The following MYRFL variants were observed in gnomAD, a reference collection of about 807,000 sequenced individuals.
MYRFL encodes the protein myelin regulatory factor like.
Under a neutral mutation model 109.4 loss-of-function variants are expected in MYRFL, and 88 were observed. The observed-to-expected ratio is 0.80, with a 90% CI of 0.68 to 0.96. MYRFL has a LOEUF of 0.96. MYRFL is among the 40% of genes least tolerant of loss of function. The pLI, the probability that MYRFL is intolerant of heterozygous loss-of-function variation, is 0.00. For missense variants in MYRFL, 957 were observed against 954.9 expected (o/e 1.00, Z -0.03); for synonymous variants, 324 against 320.9 (o/e 1.01, Z -0.10).
At chr12:69,861,444 C>T (rs565531268) in intron 2 of MYRFL, among the ~76,000 whole-genome samples, 1 of 152,316 alleles carries the variant, frequency 6.6e-6, no homozygotes, top group South Asian at 2.1e-4. Context: ...GCCATTCTAA[C>T]TGGTGTGAGA....
At chr12:69,947,500 A>G (rs780625105) in intron 19 of MYRFL, among the ~76,000 whole-genome samples, 1 of 152,194 alleles carries the variant, frequency 6.6e-6, no homozygotes, top group Non-Finnish European at 1.5e-5. Flanking sequence ...ATTTTGGAAT[A>G]TTGAGCTTCT....
chr12:69,936,196 T>A lies in MYRFL; in HGVS notation c.1991+9T>A. The stretch of plus-strand genomic sequence containing the variant: ...CCAAATCTCCCTCCAAGGTGAGAGT[T>A]CAGTTCAATTTTCTGGCCTAAAATT... On this transcript the variant is annotated intron_variant, in intron 17 of 24. Coordinates refer to ENST00000552032, the MANE Select transcript of MYRFL (RefSeq NM_182530.3). 2.6e-6 allele frequency: 4 copies of A among 1,530,904 alleles called. No homozygotes were observed. Among genetic ancestry groups the A allele is most frequent in the Non-Finnish European group, 3.5e-6 (4 of 1,145,362 alleles). The allele number at this position is 1,530,904 out of a possible 1,614,324, so 94.8% of individuals were successfully genotyped here.
chr12:69,868,448 T>G (rs545768763), intron 2 of MYRFL, among the ~76,000 whole-genome samples: 1 of 152,086 alleles, frequency 6.6e-6, no homozygotes, highest in African/African-American at 2.4e-5. Context: ...TTAAGTACAA[T>G]GATGGTACCT....
intron 1 of MYRFL, among the ~76,000 whole-genome samples, chr12:69,844,417 G>A (rs918987337): frequency 8.5e-5 from 13 of 152,138 alleles, no homozygotes; most frequent in African/African-American, 3.1e-4. Flanking sequence ...GAGAGTGAAG[G>A]GTGCCATATA....
intron 1 of MYRFL, among the ~76,000 whole-genome samples, chr12:69,829,651 A>G (rs1882500309): frequency 6.6e-6 from 1 of 152,174 alleles, no homozygotes; most frequent in Admixed American, 6.5e-5. Flanking sequence ...GCACCCAGCA[A>G]GTTCAACTGT....
At chr12:69,931,427 G>A (rs1407918875) in intron 15 of MYRFL, among the ~76,000 whole-genome samples, 2 of 151,994 alleles carry the variant, frequency 1.3e-5, no homozygotes, top group Non-Finnish European at 2.9e-5. Flanking sequence ...TAGCCCTAAG[G>A]GTCTGTGTAC....
At position 69,936,513 on chromosome 12, in the gene MYRFL, G is replaced by A. The variant is rs1428616900; in HGVS notation, c.2105G>A (p.Cys702Tyr). The A allele has an allele frequency of 2.0e-6, 3 of 1,535,918 alleles. No homozygotes were observed. Among genetic ancestry groups the A allele is most frequent in the Non-Finnish European group, 1.7e-6 (2 of 1,146,906 alleles). Residue 702 changes from cysteine (C) to tyrosine (Y), a missense_variant, in exon 19 of 25, where the codon TGT (cysteine) becomes TAT (tyrosine). Coordinates refer to ENST00000552032, the MANE Select transcript of MYRFL (RefSeq NM_182530.3). ...TTACAAGTACCTGAAATTACTTTCT[G>A]TGAAATCCTGCCGTGTCAGGAGACT... ...ASLQVPEITF[C>Y]EILPCQETYC...
intron 1 of MYRFL, among the ~76,000 whole-genome samples, chr12:69,840,240 T>C (rs1426375509): frequency 1.3e-5 from 2 of 152,218 alleles, no homozygotes; most frequent in African/African-American, 4.8e-5. Context: ...CCAGTTTGCC[T>C]TCTCTATATT....
chr12:69,869,479 G>C (rs1885213430), intron 2 of MYRFL, among the ~76,000 whole-genome samples: 1 of 152,172 alleles, frequency 6.6e-6, no homozygotes, highest in African/African-American at 2.4e-5. Flanking sequence ...AGGCAAGGAG[G>C]AGAGGCTACC....
intron 16 of MYRFL, 35 bp from the exon 17 acceptor site, chr12:69,936,078 G>GTTTTTTTTTTTTTTTTTTTTTT: frequency 2.2e-6 from 2 of 891,622 alleles, no homozygotes; most frequent in South Asian, 1.8e-5. Context: ...GCCACATAAT[G>GTTTTTTTTTTTTTTTTTTTTTT]TTTTTTTTTT....
intron 11 of MYRFL, among the ~76,000 whole-genome samples, chr12:69,904,888 G>A (rs1446221390): frequency 1.3e-5 from 2 of 152,174 alleles, no homozygotes; most frequent in African/African-American, 4.8e-5. Context: ...CTTCCAGACT[G>A]CATTCCTTTC....
At chr12:69,843,816 T>C (rs1883377180) in intron 1 of MYRFL, among the ~76,000 whole-genome samples, 1 of 152,180 alleles carries the variant, frequency 6.6e-6, no homozygotes, top group Admixed American at 6.5e-5. Flanking sequence ...ACAAAAGCAG[T>C]GCAGGGACAG....
chr12:69,927,019 A>T (rs985095948), intron 14 of MYRFL, among the ~76,000 whole-genome samples: 3 of 129,892 alleles, frequency 2.3e-5, no homozygotes, highest in Admixed American at 9.9e-5. Flanking sequence ...ATCTTGGCTC[A>T]CTGCAGCCTC....
chr12:69,909,934 T>A (rs776289955), intron 11 of MYRFL, 35 bp from the exon 12 acceptor site: 1 of 1,405,590 alleles, frequency 7.1e-7, no homozygotes, highest in Non-Finnish European at 9.6e-7. Context: ...CAAATATCTA[T>A]GCGAGTAAAA....
At chr12:69,939,217 G>A (rs1228192237) in intron 19 of MYRFL, among the ~76,000 whole-genome samples, 1 of 152,240 alleles carries the variant, frequency 6.6e-6, no homozygotes, top group African/African-American at 2.4e-5. Flanking sequence ...GCCTGCCTGT[G>A]TAGGCTCCAC....
chr12:69,828,058 T>G (rs1882398296), intron 1 of MYRFL, among the ~76,000 whole-genome samples: 1 of 152,138 alleles, frequency 6.6e-6, no homozygotes, highest in South Asian at 2.1e-4. Flanking sequence ...AGAATAGGTT[T>G]AATTCAGCAA....
At chr12:69,945,378 T>C (rs1020213021) in intron 19 of MYRFL, among the ~76,000 whole-genome samples, 1 of 152,214 alleles carries the variant, frequency 6.6e-6, no homozygotes, top group Non-Finnish European at 1.5e-5. Flanking sequence ...CTTTATTTTT[T>C]ACTGTACCCT....
chr12:69,917,903 GAA>G (rs11439873), intron 13 of MYRFL, among the ~76,000 whole-genome samples: 1 of 141,070 alleles, frequency 7.1e-6, no homozygotes, highest in Non-Finnish European at 1.5e-5. Context: ...ACATTTAGAT[GAA>G]AAAAAAAAAA....
At chr12:69,856,483 T>G (rs952361203) in intron 2 of MYRFL, among the ~76,000 whole-genome samples, 3 of 152,124 alleles carry the variant, frequency 2.0e-5, no homozygotes, top group Non-Finnish European at 4.4e-5. Context: ...TCCACATTTT[T>G]AGAGTGGTGG....
Sources: gnomAD v4.1 joint callset for allele counts (sites outside exome capture counted in the v4.1 genomes callset) on GRCh38, gnomAD v4.1.1 for gene constraint, MANE v1.5 for transcripts, NCBI Gene and HGNC (gene_info 2026-07-23, HGNC 2026-07-21) for gene names.